ARHGAP21: variants seen among roughly 807,000 people sequenced by gnomAD.
The protein encoded by ARHGAP21 is rho GTPase-activating protein 21.
In ARHGAP21, 38 loss-of-function variants were observed where a neutral mutation model predicts 164.6. That is an observed-to-expected ratio of 0.23 (90% confidence interval 0.18 to 0.30). The LOEUF is 0.30. Among genes scored for constraint, ARHGAP21 ranks in the 10% least tolerant of loss-of-function variants. ARHGAP21 has a pLI of 1.00. For synonymous variants in ARHGAP21, 766 were observed against 857.9 expected, an observed-to-expected ratio of 0.89 and a Z score of 1.87; for missense variants, 1,822 against 2,370.7, an observed-to-expected ratio of 0.77 and a Z score of 4.81.
chr10:24,684,273 T>C (rs1406646965), intron 2 of ARHGAP21, among the ~76,000 whole-genome samples: 1 of 151,562 alleles, frequency 6.6e-6, no homozygotes, highest in Admixed American at 6.6e-5. Context: ...GGTTACAGAA[T>C]GACACCCTGA....
chr10:24,621,148 T>C lies in ARHGAP21; in HGVS notation c.747A>G (p.Gln249=). The C allele has an allele frequency of 6.2e-7, 1 of 1,613,676 alleles. No homozygotes were observed. The highest frequency in any genetic ancestry group is 8.5e-7 in the Non-Finnish European group (1 of 1,179,598). The change falls in exon 9 of 26, where the codon CAA becomes CAG. Residue 249 remains glutamine, a synonymous_variant. Coordinates refer to ENST00000396432, the MANE Select transcript of ARHGAP21 (RefSeq NM_020824.4). ...CAACATCTGTTGGTGATGGAGGCACTTGTATTTCCATTCTATAGGCCCTAC... is the reference window on the plus strand; with the variant it reads ...CAACATCTGTTGGTGATGGAGGCACCTGTATTTCCATTCTATAGGCCCTAC... ...QPGRAYRMEI[Q]VPPSPTDVAK...
At chr10:24,708,907 G>A (rs1054221305) in intron 2 of ARHGAP21, among the ~76,000 whole-genome samples, 2 of 152,166 alleles carry the variant, frequency 1.3e-5, no homozygotes, top group African/African-American at 4.8e-5. Context: ...ACATACAAGA[G>A]CAGATATCTT....
chr10:24,707,321 C>A (rs550604053), intron 2 of ARHGAP21, among the ~76,000 whole-genome samples: 4 of 152,318 alleles, frequency 2.6e-5, no homozygotes, highest in Non-Finnish European at 4.4e-5. Context: ...ACATCTGTAA[C>A]ATGCTTAAAA....
intron 7 of ARHGAP21, among the ~76,000 whole-genome samples, chr10:24,624,820 A>C (rs561443449): frequency 2.8e-4 from 43 of 152,220 alleles, no homozygotes; most frequent in African/African-American, 9.9e-4. Context: ...ACAACATTTA[A>C]ATTTTTCCCA....
At chr10:24,692,123 T>C (rs12784821) in intron 2 of ARHGAP21, among the ~76,000 whole-genome samples, 3 of 152,330 alleles carry the variant, frequency 2.0e-5, no homozygotes, top group African/African-American at 7.2e-5. Flanking sequence ...GTTGGTATTG[T>C]TGTTATTACT....
chr10:24,625,050 T>TGGGGGGGG (rs57313842), intron 7 of ARHGAP21, among the ~76,000 whole-genome samples: 1 of 776 alleles, frequency 1.3e-3, no homozygotes, highest in African/African-American at 3.9e-3. Context: ...CTCTAAAAAG[T>TGGGGGGGG]GGGGGGGGGG....
chr10:24,717,884 C>T (rs1271863371), intron 2 of ARHGAP21, among the ~76,000 whole-genome samples: 2 of 152,120 alleles, frequency 1.3e-5, no homozygotes, highest in South Asian at 2.1e-4. Context: ...TGCGCCACCA[C>T]GCCCAGCTAA....
At chr10:24,595,475 G>A (rs904046958) in intron 19 of ARHGAP21, among the ~76,000 whole-genome samples, 3 of 152,014 alleles carry the variant, frequency 2.0e-5, no homozygotes, top group Non-Finnish European at 2.9e-5. Flanking sequence ...ACCTTATGAT[G>A]TCAGAAGCCA....
chr10:24,688,345 A>T (rs1159769076), intron 2 of ARHGAP21, among the ~76,000 whole-genome samples: 1 of 152,164 alleles, frequency 6.6e-6, no homozygotes, highest in African/African-American at 2.4e-5. Context: ...GTGAGCCGAG[A>T]TGGCACCACT....
Position 24,601,974 on chromosome 10 carries a change from C to T in ARHGAP21, c.2847+4G>A, listed in dbSNP as rs1000878887. 8 of 1,569,138 alleles carry T rather than the reference C, an allele frequency of 5.1e-6. No individual in the cohort carries two copies. The highest frequency in any genetic ancestry group is 3.5e-5 in the Admixed American group (2 of 56,698). On this transcript the variant is annotated splice_donor_region_variant and intron_variant, in intron 13 of 25. Transcript: ENST00000396432. ...CACTCAGGGTGGCTTAGAAAACACACTACCTTGCCCTTATCGGTGACAAGG... is the reference window on the plus strand; with the variant it reads ...CACTCAGGGTGGCTTAGAAAACACATTACCTTGCCCTTATCGGTGACAAGG...
chr10:24,595,479 G>A (rs2076540914), intron 19 of ARHGAP21, among the ~76,000 whole-genome samples: 1 of 152,108 alleles, frequency 6.6e-6, no homozygotes, highest in Non-Finnish European at 1.5e-5. Context: ...TATGATGTCA[G>A]AAGCCATTTG....
chr10:24,643,855 G>A (rs1018860894), intron 4 of ARHGAP21, among the ~76,000 whole-genome samples: 6 of 152,134 alleles, frequency 3.9e-5, no homozygotes, highest in Non-Finnish European at 7.4e-5. Context: ...CAAGGTTGCT[G>A]TTTCAAACTT....
chr10:24,662,761 T>C (rs1338314148), intron 4 of ARHGAP21, among the ~76,000 whole-genome samples: 1 of 152,222 alleles, frequency 6.6e-6, no homozygotes, highest in Non-Finnish European at 1.5e-5. Flanking sequence ...TGAATTTCTA[T>C]TTCTCTCATT....
chr10:24,658,954 A>T (rs375419743), intron 4 of ARHGAP21, among the ~76,000 whole-genome samples: 1 of 152,356 alleles, frequency 6.6e-6, no homozygotes, highest in East Asian at 1.9e-4. Flanking sequence ...GTCATTAGGC[A>T]TTAAGGAAAT....
chr10:24,720,407 G>A (rs1186176336), intron 2 of ARHGAP21, among the ~76,000 whole-genome samples: 2 of 152,178 alleles, frequency 1.3e-5, no homozygotes, highest in African/African-American at 4.8e-5. Flanking sequence ...GCAATCACCA[G>A]GTTGCAGGTA....
intron 2 of ARHGAP21, among the ~76,000 whole-genome samples, chr10:24,678,118 A>G (rs767676725): frequency 6.6e-6 from 1 of 151,856 alleles, no homozygotes; most frequent in South Asian, 2.1e-4. Context: ...AAAAAAAAAG[A>G]GAGAGAGAGG....
intron 21 of ARHGAP21, among the ~76,000 whole-genome samples, chr10:24,592,845 A>G (rs1414401375): frequency 6.6e-6 from 1 of 152,210 alleles, no homozygotes; most frequent in African/African-American, 2.4e-5. Flanking sequence ...CTAGTACATC[A>G]AAATCACTAA....
chr10:24,604,609 C>CAAAG (rs1418364288), intron 11 of ARHGAP21, among the ~76,000 whole-genome samples: 1 of 151,558 alleles, frequency 6.6e-6, no homozygotes, highest in Non-Finnish European at 1.5e-5. Flanking sequence ...TTTTTTTTAT[C>CAAAG]AAAGAAAAAG....
At chr10:24,694,350 G>A (rs770831174) in intron 2 of ARHGAP21, among the ~76,000 whole-genome samples, 33 of 152,252 alleles carry the variant, frequency 2.2e-4, no homozygotes, top group Non-Finnish European at 4.6e-4. Flanking sequence ...GTTGGTGTTT[G>A]GCAACTGGGA....
Sources: allele counts gnomAD v4.1 joint callset (sites outside exome capture counted in the v4.1 genomes callset), GRCh38; gene constraint gnomAD v4.1.1; transcripts MANE v1.5; gene names NCBI Gene and HGNC (gene_info 2026-07-23, HGNC 2026-07-21).